The following ITPR2 variants were observed in gnomAD, a reference collection of about 807,000 sequenced individuals.
ITPR2 encodes inositol 1,4,5-trisphosphate-gated calcium channel ITPR2.
A neutral mutation model predicts 317.1 loss-of-function variants in ITPR2; 207 were observed. The observed-to-expected ratio is 0.65, with a 90% CI of 0.58 to 0.73. ITPR2 has a LOEUF of 0.73. Among genes scored for constraint, ITPR2 ranks in the 30% least tolerant of loss-of-function variants. ITPR2 has a pLI of 0.00. For synonymous variants in ITPR2, 1,156 were observed against 1,149.1 expected (o/e 1.01, Z -0.12); for missense variants, 2,613 against 3,284.0 (o/e 0.80, Z 4.99).
intron 2 of ITPR2, among the ~76,000 whole-genome samples, chr12:26,762,842 C>T (rs1949661137): frequency 2.0e-5 from 3 of 152,040 alleles, no homozygotes; most frequent in Admixed American, 1.3e-4. Context: ...AACAATTATA[C>T]AAAATTAGAA....
At chr12:26,731,816 A>T (rs932396093) in intron 2 of ITPR2, among the ~76,000 whole-genome samples, 2 of 152,208 alleles carry the variant, frequency 1.3e-5, no homozygotes, top group Non-Finnish European at 2.9e-5. Flanking sequence ...TACAAATTTT[A>T]AAAAATTAAA....
chr12:26,428,728 TA>T (rs1941131173), intron 48 of ITPR2, among the ~76,000 whole-genome samples: 3 of 152,202 alleles, frequency 2.0e-5, no homozygotes, highest in Admixed American at 2.0e-4. Context: ...CTGTTACACA[TA>T]AGATTTCTTA....
intron 32 of ITPR2, among the ~76,000 whole-genome samples, chr12:26,592,482 T>G (rs528002418): frequency 2.0e-4 from 31 of 152,222 alleles, no homozygotes; most frequent in Admixed American, 4.6e-4. Context: ...GATGTGTTCA[T>G]TACACATTAT....
Position 26,515,571 on chromosome 12 carries a change from C to A in ITPR2, c.5074-20311G>T, listed in dbSNP as rs1272823868. ...CTCCATTTTCAGCAAAAGAAAGAGA[C>A]AGATATAATCCACAAACTACAGAAG... is the stretch of plus-strand genomic sequence containing the variant. On this transcript the variant is annotated intron_variant, in intron 37 of 56. Coordinates refer to ENST00000381340, the MANE Select transcript of ITPR2 (RefSeq NM_002223.4). 4.6e-5 allele frequency among the ~76,000 whole-genome samples: 7 copies of A among 151,812 alleles called. No homozygotes were observed. In the South Asian group the frequency reaches 1.5e-3, roughly 32 times the overall value.
intron 1 of ITPR2, among the ~76,000 whole-genome samples, chr12:26,809,635 A>T (rs1343876409): frequency 1.3e-5 from 2 of 152,216 alleles, no homozygotes; most frequent in East Asian, 3.8e-4. Flanking sequence ...TATTTTGAGT[A>T]AAACTTACCC....
At chr12:26,523,722 G>C (rs1943729564) in intron 37 of ITPR2, among the ~76,000 whole-genome samples, 1 of 152,156 alleles carries the variant, frequency 6.6e-6, no homozygotes. Flanking sequence ...ATCAATTTAT[G>C]TGCAGCTAAT....
chr12:26,588,775 T>C (rs1386927429), intron 32 of ITPR2, among the ~76,000 whole-genome samples: 1 of 152,210 alleles, frequency 6.6e-6, no homozygotes, highest in East Asian at 1.9e-4. Flanking sequence ...TTTGTCTTGT[T>C]AACCAGTGAC....
In ITPR2 at chr12:26,481,240, G is replaced by A; in HGVS notation, c.6014C>T (p.Thr2005Ile). The change falls in exon 43 of 57, where the codon ACC becomes ATC. Residue 2005 changes from threonine to isoleucine, a missense_variant and splice_region_variant. By Grantham distance (89) the Thr-to-Ile change is moderately conservative (BLOSUM62 -1). This residue lies in a region of ITPR2 where 926 missense variants were observed against 1,072.8 expected (regional missense o/e 0.86). Coordinates refer to ENST00000381340, the MANE Select transcript of ITPR2 (RefSeq NM_002223.4). Reference protein sequence around the residue: ...YCQGPCHENQTCIATHESNGI... With the variant: ...YCQGPCHENQICIATHESNGI... The stretch of plus-strand genomic sequence containing the variant: ...ATTAGACTCATGTGTAGCGATACAG[G>A]TCTAGAAAACAAAATATTTGTAAAA... The A allele has an allele frequency of 1.3e-6, 2 of 1,560,660 alleles. No individual in the cohort carries two copies. The highest frequency in any genetic ancestry group is 1.8e-6 in the Non-Finnish European group (2 of 1,133,236).
intron 26 of ITPR2, 21 bp downstream of exon 26, chr12:26,621,102 G>T: frequency 6.2e-7 from 1 of 1,600,430 alleles, no homozygotes; most frequent in Non-Finnish European, 8.5e-7. Flanking sequence ...GGAGTATTTC[G>T]AAATAGATCT....
In ITPR2 at chr12:26,715,161, G is replaced by A. The variant is rs569472173; in HGVS notation, c.855+138C>T. ...TTCAAATTGGTCACAGCAATGAATA[G>A]GCACAAGTTGGTTCACAAAAATTAT... is the stretch of plus-strand genomic sequence containing the variant. On this transcript the variant is annotated intron_variant, in intron 8 of 56. Transcript: ENST00000381340. 43 of 708,198 alleles carry A rather than the reference G, an allele frequency of 6.1e-5. No individual in the cohort carries two copies. The African/African-American group carries it at 7.4e-4, about 12-fold the overall frequency. 43.9% of individuals were successfully genotyped at this position (708,198 alleles called of 1,614,324 possible). A position where few individuals can be genotyped will look rare whatever the true frequency, so the allele number is the denominator to read the frequency against.
chr12:26,391,512 T>A (rs929210517), intron 54 of ITPR2, among the ~76,000 whole-genome samples: 7 of 150,684 alleles, frequency 4.6e-5, no homozygotes, highest in African/African-American at 1.7e-4. Context: ...AGCTAAGGCA[T>A]CTGTATTTTA....
intron 48 of ITPR2, among the ~76,000 whole-genome samples, chr12:26,434,653 G>C (rs1399911557): frequency 6.6e-6 from 1 of 152,150 alleles, no homozygotes; most frequent in Non-Finnish European, 1.5e-5. Flanking sequence ...AAGGGTCCTA[G>C]ATTGGAAACA....
At chr12:26,548,602 T>C (rs1944445801) in intron 37 of ITPR2, among the ~76,000 whole-genome samples, 1 of 152,222 alleles carries the variant, frequency 6.6e-6, no homozygotes, top group African/African-American at 2.4e-5. Flanking sequence ...GGTGACTGAA[T>C]GAAGAACTTG....
intron 55 of ITPR2, among the ~76,000 whole-genome samples, chr12:26,344,589 C>T (rs1480300856): frequency 2.0e-5 from 3 of 152,186 alleles, no homozygotes; most frequent in African/African-American, 7.2e-5. Flanking sequence ...TTTGAGGAAA[C>T]AATGGCAGCT....
intron 2 of ITPR2, among the ~76,000 whole-genome samples, chr12:26,756,433 G>T (rs571579613): frequency 6.6e-6 from 1 of 152,186 alleles, no homozygotes; most frequent in South Asian, 2.1e-4. Flanking sequence ...CCAGTTCATG[G>T]AAAGCCTTCT....
At chr12:26,817,303 A>C (rs1305340567) in intron 1 of ITPR2, among the ~76,000 whole-genome samples, 1 of 152,198 alleles carries the variant, frequency 6.6e-6, no homozygotes, top group African/African-American at 2.4e-5. Context: ...GCTGGGTGTA[A>C]TGACATGTTA....
chr12:26,600,104 A>G lies in ITPR2; in HGVS notation c.3684T>C (p.Asp1228=), dbSNP rs558339520. 30 of 1,607,874 alleles carry G rather than the reference A, an allele frequency of 1.9e-5. No individual in the cohort carries two copies. In the South Asian group the frequency reaches 3.0e-4, roughly 16 times the overall value. The change falls in exon 29 of 57, where the codon GAT becomes GAC. Residue 1228 remains aspartate, a synonymous_variant. Coordinates refer to ENST00000381340, the MANE Select transcript of ITPR2 (RefSeq NM_002223.4). ...GATTCATTACTTCATTCATCTTTTC[A>G]TCATTCTGTAAGTTAAAGAATAGCA... ...DLLQIPYEKN[D]EKMNEVMNLA...
chr12:26,542,914 C>A (rs1286994785), intron 37 of ITPR2, among the ~76,000 whole-genome samples: 3 of 152,226 alleles, frequency 2.0e-5, no homozygotes, highest in African/African-American at 7.2e-5. Flanking sequence ...CACAGGCGAT[C>A]CATGAATATT....
intron 2 of ITPR2, among the ~76,000 whole-genome samples, chr12:26,766,414 C>T (rs1428603356): frequency 2.6e-5 from 4 of 151,786 alleles, no homozygotes; most frequent in Admixed American, 6.6e-5. Context: ...ACCATTTTTA[C>T]GTATTTTTTT....
Sources: gnomAD v4.1 joint callset for allele counts (sites outside exome capture counted in the v4.1 genomes callset) on GRCh38, gnomAD v4.1.1 for gene constraint, gnomAD v4.1.1 regional missense constraint, MANE v1.5 for transcripts, NCBI Gene and HGNC (gene_info 2026-07-23, HGNC 2026-07-21) for gene names.